Variants in CACNA2D1 observed in about 807,000 individuals in gnomAD.
CACNA2D1 encodes the protein voltage-dependent calcium channel subunit alpha-2/delta-1.
A neutral mutation model predicts 171.5 loss-of-function variants in CACNA2D1; 53 were observed. That is an observed-to-expected ratio of 0.31 (90% CI 0.25 to 0.39). The LOEUF (loss-of-function observed/expected upper bound fraction) is 0.39. CACNA2D1 is among the 10% of genes least tolerant of loss of function. The pLI is 1.00. For missense variants in CACNA2D1, 903 were observed against 1,299.8 expected (o/e 0.69, Z 4.69); for synonymous variants, 442 against 443.1 (o/e 1.00, Z 0.03).
intron 10 of CACNA2D1, among the ~76,000 whole-genome samples, chr7:82,043,870 C>T (rs1208672413): frequency 1.3e-5 from 2 of 152,166 alleles, no homozygotes; most frequent in South Asian, 2.1e-4. Context: ...AACTAGAACA[C>T]ATCTTCTTGG....
At chr7:82,098,866 T>A (rs258666) in intron 6 of CACNA2D1, among the ~76,000 whole-genome samples, 58,612 of 151,964 alleles carry the variant, frequency 0.39, 11,523 homozygotes, top group Non-Finnish European at 0.42. Flanking sequence ...ACTTAGAAAC[T>A]TATCAGATTT....
chr7:82,272,131 A>G (rs1808714344), intron 3 of CACNA2D1, among the ~76,000 whole-genome samples: 1 of 152,190 alleles, frequency 6.6e-6, no homozygotes, highest in Admixed American at 6.6e-5. Context: ...TAATCTCTAA[A>G]AGACAGATAT....
At position 82,068,152 on chromosome 7, in the gene CACNA2D1, C is replaced by A. The variant is rs977886945; in HGVS notation, c.659-1628G>T. ...TGTCTGTATATTCTCCAGAGCTCAG[C>A]TCCTACAGTGTTGCAGTTTCCCCAG... On this transcript the variant is annotated intron_variant, in intron 7 of 38. Coordinates refer to ENST00000356860, the MANE Select transcript of CACNA2D1 (RefSeq NM_000722.4). Among the ~76,000 whole-genome samples the A allele has an allele frequency of 3.8e-4, 58 of 152,170 alleles. 1 individual carries two copies. Among genetic ancestry groups the A allele is most frequent in the Non-Finnish European group, 1.2e-4 (8 of 68,030 alleles).
chr7:82,226,703 C>T (rs577344448), intron 3 of CACNA2D1, among the ~76,000 whole-genome samples: 3 of 152,258 alleles, frequency 2.0e-5, no homozygotes, highest in East Asian at 3.9e-4. Flanking sequence ...GAAATAAATA[C>T]TATGAGATCA....
At chr7:82,229,277 A>G (rs1455663508) in intron 3 of CACNA2D1, among the ~76,000 whole-genome samples, 1 of 152,112 alleles carries the variant, frequency 6.6e-6, no homozygotes, top group Non-Finnish European at 1.5e-5. Context: ...AAATGCACCA[A>G]ACGCAAGGCC....
chr7:81,981,090 G>A (rs1167768595), intron 24 of CACNA2D1, among the ~76,000 whole-genome samples: 1 of 152,120 alleles, frequency 6.6e-6, no homozygotes, highest in Non-Finnish European at 1.5e-5. Context: ...TTTGTCTCTA[G>A]ATATTTATGG....
chr7:82,348,132 T>C (rs1325973890), intron 2 of CACNA2D1, among the ~76,000 whole-genome samples: 4 of 152,188 alleles, frequency 2.6e-5, no homozygotes, highest in Non-Finnish European at 5.9e-5. Context: ...CACCAGAACC[T>C]GTACTTTCTT....
intron 5 of CACNA2D1, among the ~76,000 whole-genome samples, chr7:82,129,696 G>A (rs551749488): frequency 3.3e-5 from 5 of 152,266 alleles, no homozygotes; most frequent in Non-Finnish European, 7.4e-5. Context: ...ATTTTCCTCT[G>A]TGTCTTTAAT....
intron 5 of CACNA2D1, among the ~76,000 whole-genome samples, chr7:82,121,610 T>C (rs1789743757): frequency 6.6e-6 from 1 of 152,160 alleles, no homozygotes; most frequent in Non-Finnish European, 1.5e-5. Flanking sequence ...CTTAGAGAAG[T>C]ATTTGGTAGA....
intron 15 of CACNA2D1, 86 bp from the exon 16 acceptor site, chr7:82,007,842 G>T (rs1799291717): frequency 5.3e-6 from 4 of 761,098 alleles, no homozygotes; most frequent in South Asian, 3.0e-5. Context: ...ATCTGAGATT[G>T]CATTTTATAG....
In CACNA2D1 at chr7:81,947,235, G is replaced by A. The variant is rs1227159914; in HGVS notation, c.*3157C>T. The A allele has an allele frequency of 6.6e-6, 1 of 151,640 alleles. No homozygotes were observed. The highest frequency in any genetic ancestry group is 1.5e-5 in the Non-Finnish European group (1 of 67,836). 9.4% of individuals were successfully genotyped at this position (151,640 alleles called of 1,614,324 possible). A position where few individuals can be genotyped will look rare whatever the true frequency, so the allele number is the denominator to read the frequency against. On this transcript the variant is annotated 3_prime_UTR_variant, in exon 39 of 39. Coordinates refer to ENST00000356860, the MANE Select transcript of CACNA2D1 (RefSeq NM_000722.4). ...TGGGTTGCAAAGGTCACTTAAAAGG[G>A]ATACTGCCTATTTGAACCCGATAAG... is the stretch of plus-strand genomic sequence containing the variant.
In CACNA2D1 at chr7:81,964,391, C is replaced by A. The variant is rs755839246; in HGVS notation, c.2575-32G>T. 1.1e-5 allele frequency: 18 copies of A among 1,595,542 alleles called. No individual in the cohort carries two copies. In the East Asian group the frequency reaches 4.0e-4, roughly 36 times the overall value. On this transcript the variant is annotated intron_variant, in intron 32 of 38. Coordinates refer to ENST00000356860, the MANE Select transcript of CACNA2D1 (RefSeq NM_000722.4). Reference sequence around the variant, plus strand: ...AAGAAAAAAATCATAAAGCAACGTGCACTTAAAATGTAAGCCAAAAATGAA... The same window carrying A: ...AAGAAAAAAATCATAAAGCAACGTGAACTTAAAATGTAAGCCAAAAATGAA...
At chr7:82,122,788 A>G (rs536214942) in intron 5 of CACNA2D1, among the ~76,000 whole-genome samples, 3 of 152,242 alleles carry the variant, frequency 2.0e-5, no homozygotes, top group Non-Finnish European at 4.4e-5. Context: ...GCATTATATT[A>G]TAAAAGGAAA....
At chr7:82,151,806 G>A (rs1048714935) in intron 4 of CACNA2D1, among the ~76,000 whole-genome samples, 3 of 152,018 alleles carry the variant, frequency 2.0e-5, no homozygotes, top group Non-Finnish European at 4.4e-5. Flanking sequence ...AAGAAACTCA[G>A]TATGAAAAAT....
At chr7:82,406,303 T>C (rs1212097194) in intron 1 of CACNA2D1, among the ~76,000 whole-genome samples, 4 of 152,206 alleles carry the variant, frequency 2.6e-5, no homozygotes, top group African/African-American at 9.6e-5. Context: ...TGATGGACAT[T>C]TGGGTTGGTT....
chr7:81,952,487 T>C (rs1365198638), intron 38 of CACNA2D1, among the ~76,000 whole-genome samples: 1 of 152,168 alleles, frequency 6.6e-6, no homozygotes, highest in Non-Finnish European at 1.5e-5. Flanking sequence ...ATCCCAAATC[T>C]AAATAGAATC....
At chr7:82,273,847 G>T (rs1328640452) in intron 3 of CACNA2D1, among the ~76,000 whole-genome samples, 1 of 152,118 alleles carries the variant, frequency 6.6e-6, no homozygotes, top group East Asian at 1.9e-4. Flanking sequence ...AAAGCTTCTC[G>T]ATGTTAATAA....
intron 2 of CACNA2D1, among the ~76,000 whole-genome samples, chr7:82,338,180 T>C (rs1373341583): frequency 1.3e-5 from 2 of 152,146 alleles, no homozygotes; most frequent in Admixed American, 6.5e-5. Context: ...ATTTAATATC[T>C]AAAAAATGAT....
intron 7 of CACNA2D1, among the ~76,000 whole-genome samples, chr7:82,081,610 A>T (rs1012107498): frequency 1.3e-5 from 2 of 152,122 alleles, no homozygotes; most frequent in African/African-American, 4.8e-5. Flanking sequence ...CTTAAAACCT[A>T]GGTATTGTGA....
Sources: allele counts gnomAD v4.1 joint callset (sites outside exome capture counted in the v4.1 genomes callset), GRCh38; gene constraint gnomAD v4.1.1; transcripts MANE v1.5; gene names NCBI Gene and HGNC (gene_info 2026-07-23, HGNC 2026-07-21).